The following TP53I11 variants were observed in gnomAD, a reference collection of about 807,000 sequenced individuals.
TP53I11 encodes tumor protein p53-inducible protein 11.
TP53I11 carries 9 observed loss-of-function variants against 23.3 expected under a neutral mutation model. The observed-to-expected ratio is 0.39, with a 90% CI of 0.23 to 0.67. The LOEUF is 0.67. Among genes scored for constraint, TP53I11 ranks in the 30% least tolerant of loss-of-function variants. TP53I11 has a pLI of 0.48. For synonymous variants in TP53I11, 100 were observed against 106.1 expected, an observed-to-expected ratio of 0.94 and a Z score of 0.35; for missense variants, 170 against 255.2, an observed-to-expected ratio of 0.67 and a Z score of 2.27.
chr11:44,941,957 C>T (rs1056386453), intron 1 of TP53I11, among the ~76,000 whole-genome samples: 34 of 44,528 alleles, frequency 7.6e-4, no homozygotes, highest in Admixed American at 2.0e-3. Context: ...TGCACACACA[C>T]GCACACTGCA....
Position 44,935,554 on chromosome 11 carries a change from G to A in TP53I11, c.436+7C>T, listed in dbSNP as rs753263949. 9.9e-6 allele frequency: 16 copies of A among 1,613,674 alleles called. No individual in the cohort carries two copies. The East Asian group carries it at 3.1e-4, about 31-fold the overall frequency. Reference sequence around the variant, plus strand: ...CAGCCTCCCTCACTGCCCACCTCAGGACTCACCCAAGAACTGGACCCCGAA... The same window carrying A: ...CAGCCTCCCTCACTGCCCACCTCAGAACTCACCCAAGAACTGGACCCCGAA... On this transcript the variant is annotated splice_region_variant and intron_variant, in intron 6 of 6. Transcript: ENST00000525680.
rs116118673 is a variant in TP53I11 at position 44,935,031 on chromosome 11, T to A, written c.437-14A>T. 6.9e-5 allele frequency: 112 copies of A among 1,612,078 alleles called. No homozygotes were observed. In the East Asian group the frequency reaches 2.4e-3, roughly 34 times the overall value. Reference sequence around the variant, plus strand: ...TGGCAGTGACCACTGTGGGAGAGAGTCCAGCAAGGCCACAGGGTCAGAGGA... The same window carrying A: ...TGGCAGTGACCACTGTGGGAGAGAGACCAGCAAGGCCACAGGGTCAGAGGA... On this transcript the variant is annotated splice_polypyrimidine_tract_variant and intron_variant, in intron 6 of 6. Transcript: ENST00000525680.
Position 44,936,855 on chromosome 11 carries a change from T to C in TP53I11, c.282A>G (p.Gly94=). The C allele has an allele frequency of 6.2e-7, 1 of 1,609,666 alleles. No homozygotes were observed. Among genetic ancestry groups the C allele is most frequent in the Non-Finnish European group, 8.5e-7 (1 of 1,178,496 alleles). The change falls in exon 5 of 7, where the codon GGA becomes GGG. Residue 94 remains glycine, a synonymous_variant. Coordinates refer to ENST00000525680, the MANE Select transcript of TP53I11 (RefSeq NM_006034.5). The surrounding 1 kb of genome is among the most constrained non-coding windows in gnomAD (Gnocchi z 4.4). ...TGGGGGTCTTGCTGGTCACCTGGGC[T>C]CCATCAAAGACCGCATCATAGAGCT... ...PDQLYDAVFD[G]AQVTSKTPIR... is the part of the protein sequence containing the mutation.
Position 44,950,871 on chromosome 11 carries a change from G to A in TP53I11, c.-226C>T, listed in dbSNP as rs930701550. ...GCGCGCGGCGCCCTGCGCGGCCGGG[G>A]CTTACCGAGTCTGGCGGCCCGCGCT... On this transcript the variant is annotated 5_prime_UTR_variant, in exon 1 of 7. Coordinates refer to ENST00000525680, the MANE Select transcript of TP53I11 (RefSeq NM_006034.5). The A allele has an allele frequency of 1.4e-4, 22 of 152,300 alleles. No homozygotes were observed. The highest frequency in any genetic ancestry group is 2.6e-4 in the Non-Finnish European group (18 of 68,340). The allele number at this position is 152,300 out of a possible 1,614,324, so 9.4% of individuals were successfully genotyped here. A position where few individuals can be genotyped will look rare whatever the true frequency, so the allele number is the denominator to read the frequency against.
rs148511543 is a variant in TP53I11 at position 44,938,288 on chromosome 11, C to T, written c.48G>A (p.Thr16=). 4.3e-6 allele frequency: 7 copies of T among 1,612,418 alleles called. No individual in the cohort carries two copies. Among genetic ancestry groups the T allele is most frequent in the Non-Finnish European group, 5.1e-6 (6 of 1,179,454 alleles). Residue 16 remains threonine, a synonymous_variant, in exon 2 of 7, where the codon ACG becomes ACA. Transcript: ENST00000525680. ...GGGTCTTCAGGCGGCTCACGAGGTCCGTCTGGCTGTGCTTCTTCATCAGAG... is the reference window on the plus strand; with the variant it reads ...GGGTCTTCAGGCGGCTCACGAGGTCTGTCTGGCTGTGCTTCTTCATCAGAG... The part of the protein sequence containing the change: ...PPPLMKKHSQ[T]DLVSRLKTRK...
intron 1 of TP53I11, among the ~76,000 whole-genome samples, chr11:44,942,322 C>T (rs544869142): frequency 3.9e-4 from 58 of 147,378 alleles, no homozygotes; most frequent in African/African-American, 1.4e-3. Context: ...CCACACATTA[C>T]ACACCATAGA....
rs1042395836 is a variant in TP53I11, at chr11:44,936,139, T to C, written c.335-477A>G. The C allele has an allele frequency of 3.5e-6, 3 of 869,502 alleles. No homozygotes were observed. Among genetic ancestry groups the C allele is most frequent in the Non-Finnish European group, 4.2e-6 (3 of 717,528 alleles). 53.9% of individuals were successfully genotyped at this position (869,502 alleles called of 1,614,324 possible). A position where few individuals can be genotyped will look rare whatever the true frequency, so the allele number is the denominator to read the frequency against. On this transcript the variant is annotated intron_variant, in intron 5 of 6. Coordinates refer to ENST00000525680, the MANE Select transcript of TP53I11 (RefSeq NM_006034.5). This position sits in a 1 kb window ranked among gnomAD's most constrained non-coding sequence, Gnocchi z 4.4. ...TCCCCTGGGGGAGGGGGATGAACCA[T>C]ACTTTTTAGCAGAAGACCACTGACT...
chr11:44,950,364 A>T (rs1862826689), intron 1 of TP53I11, among the ~76,000 whole-genome samples: 1 of 151,950 alleles, frequency 6.6e-6, no homozygotes, highest in Non-Finnish European at 1.5e-5. Context: ...GTCCAGGAGG[A>T]GGGCGACCGC....
intron 1 of TP53I11, chr11:44,947,020 A>G (rs746900483): frequency 1.3e-5 from 6 of 456,188 alleles, no homozygotes; most frequent in African/African-American, 6.0e-5. Flanking sequence ...CTTTAGGGAC[A>G]AATATGAACA....
chr11:44,943,639 C>T (rs1862111102), intron 1 of TP53I11, among the ~76,000 whole-genome samples: 1 of 152,230 alleles, frequency 6.6e-6, no homozygotes, highest in African/African-American at 2.4e-5. Flanking sequence ...ATCTTGCACA[C>T]AGCCCCTCTT....
intron 1 of TP53I11, chr11:44,947,395 G>A (rs533789069): frequency 2.0e-5 from 6 of 305,390 alleles, no homozygotes; most frequent in Admixed American, 4.1e-5. Context: ...CTCCCTCTCC[G>A]ACCTGCACCC....
chr11:44,947,099 C>G (rs749518787), intron 1 of TP53I11: 11 of 456,202 alleles, frequency 2.4e-5, no homozygotes, highest in African/African-American at 2.2e-4. Context: ...CATTCCTGGG[C>G]TCCTCCCCCG....
In TP53I11 at chr11:44,937,213, G is replaced by A. The variant is rs965169846; in HGVS notation, c.237+91C>T. 6 of 1,489,974 alleles carry A rather than the reference G, an allele frequency of 4.0e-6. No homozygotes were observed. The South Asian group carries it at 4.8e-5, about 12-fold the overall frequency. 92.3% of individuals were successfully genotyped at this position (1,489,974 alleles called of 1,614,324 possible). A position where few individuals can be genotyped will look rare whatever the true frequency, so the allele number is the denominator to read the frequency against. Reference sequence around the variant, plus strand: ...TGACAGATGGGCCCCTGCACGAGGGGCCAGGATGGAGGAGGCACCTCTGGT... The same window carrying A: ...TGACAGATGGGCCCCTGCACGAGGGACCAGGATGGAGGAGGCACCTCTGGT... On this transcript the variant is annotated intron_variant, in intron 4 of 6. Coordinates refer to ENST00000525680, the MANE Select transcript of TP53I11 (RefSeq NM_006034.5).
intron 4 of TP53I11, 118 bp downstream of exon 4, chr11:44,937,186 C>T: frequency 7.6e-7 from 1 of 1,319,562 alleles, no homozygotes; most frequent in Non-Finnish European, 1.1e-6. Context: ...AGCCCCAGAG[C>T]CTGACAGATG....
intron 1 of TP53I11, chr11:44,947,247 C>A: frequency 2.5e-6 from 1 of 402,144 alleles, no homozygotes; most frequent in Non-Finnish European, 5.0e-6. Context: ...CTGTCCTTTT[C>A]GACTCTGAGA....
chr11:44,938,499 G>A (rs1861418395), intron 1 of TP53I11, 133 bp from the exon 2 acceptor site: 2 of 1,063,986 alleles, frequency 1.9e-6, no homozygotes, highest in Admixed American at 3.4e-5. Context: ...AGGGCAGTAG[G>A]GGGAGTACAG....
chr11:44,937,531 C>G (rs572154104), intron 3 of TP53I11, 24 bp downstream of exon 3: 13 of 1,613,074 alleles, frequency 8.1e-6, no homozygotes, highest in African/African-American at 4.0e-5. Context: ...TTCCCCTCCC[C>G]CAAAAAGTCA....
At chr11:44,947,111 G>A (rs1334198183) in intron 1 of TP53I11, 2 of 456,152 alleles carry the variant, frequency 4.4e-6, no homozygotes, top group Non-Finnish European at 8.8e-6. Context: ...CCTCCCCCGG[G>A]GGTCTGAAGC....
At chr11:44,935,711 T>C in intron 5 of TP53I11, 49 bp from the exon 6 acceptor site, 1 of 1,350,176 alleles carries the variant, frequency 7.4e-7, no homozygotes, top group Non-Finnish European at 1.0e-6. Context: ...GCTGACTCCC[T>C]CCCAGCAGGG....
Sources: allele counts gnomAD v4.1 joint callset (sites outside exome capture counted in the v4.1 genomes callset), GRCh38; gene constraint gnomAD v4.1.1; non-coding constraint Gnocchi (gnomAD v3.1); transcripts MANE v1.5; gene names NCBI Gene and HGNC (gene_info 2026-07-23, HGNC 2026-07-21).